CSMD1: variants seen among roughly 807,000 people sequenced by gnomAD.
The protein encoded by CSMD1 is CUB and Sushi multiple domains 1.
A neutral mutation model predicts 417.5 loss-of-function variants in CSMD1; 213 were observed. The ratio of observed to expected loss-of-function variants is 0.51; its 90% CI spans 0.46 to 0.57. The LOEUF is 0.57. Ranked by LOEUF, CSMD1 falls within the 20% of genes least tolerant of loss-of-function variation. CSMD1 has a pLI of 0.00. For missense variants in CSMD1, 6,923 were observed against 4,529.7 expected, an observed-to-expected ratio of 1.53 and a Z score of -15.17; for synonymous variants, 2,862 against 1,736.8, an observed-to-expected ratio of 1.65 and a Z score of -16.11.
At chr8:3,342,423 T>C (rs919679587) in intron 23 of CSMD1, among the ~76,000 whole-genome samples, 2 of 152,220 alleles carry the variant, frequency 1.3e-5, no homozygotes, top group Admixed American at 6.5e-5. Context: ...CAGTATGATA[T>C]AGTTTTTACA....
chr8:3,103,891 G>C (rs138522575), intron 46 of CSMD1, among the ~76,000 whole-genome samples: 1 of 151,834 alleles, frequency 6.6e-6, no homozygotes, highest in East Asian at 1.9e-4. Context: ...TTACAGGCAC[G>C]TGCCACCACA....
At position 2,970,062 on chromosome 8, in the gene CSMD1, T is replaced by C. The variant is rs191442830; in HGVS notation, c.8923+3055A>G. Among the ~76,000 whole-genome samples, 6 of 152,326 alleles carry C rather than the reference T, an allele frequency of 3.9e-5. No individual in the cohort carries two copies. The South Asian group carries it at 8.3e-4, about 21-fold the overall frequency. On this transcript the variant is annotated intron_variant, in intron 57 of 69. Transcript: ENST00000635120. ...TCTAATTTTTTTTCATAGAAAACTT[T>C]TAAATGTCTAACTTTAGAAAGCAAA...
intron 12 of CSMD1, among the ~76,000 whole-genome samples, chr8:3,448,284 C>T (rs1388977344): frequency 2.5e-5 from 1 of 39,664 alleles, no homozygotes; most frequent in Non-Finnish European, 5.4e-5. Flanking sequence ...GAGGGACACA[C>T]ATCTTTCTGA....
chr8:3,692,820 G>T (rs963815383), intron 7 of CSMD1, among the ~76,000 whole-genome samples: 1 of 152,052 alleles, frequency 6.6e-6, no homozygotes, highest in Non-Finnish European at 1.5e-5. Flanking sequence ...AATATGCATG[G>T]CAAAAATATT....
intron 3 of CSMD1, among the ~76,000 whole-genome samples, chr8:4,265,631 CAA>C (rs1383832766): frequency 9.5e-6 from 1 of 104,892 alleles, no homozygotes; most frequent in East Asian, 2.5e-4. Flanking sequence ...AGATTAAAAA[CAA>C]ATATATTAGG....
intron 11 of CSMD1, among the ~76,000 whole-genome samples, chr8:3,488,304 C>T (rs1818174970): frequency 6.6e-6 from 1 of 151,974 alleles, no homozygotes; most frequent in African/African-American, 2.4e-5. Flanking sequence ...GACGGAGTTT[C>T]ATCCTGTTGC....
intron 3 of CSMD1, among the ~76,000 whole-genome samples, chr8:4,181,509 C>G (rs957217062): frequency 6.6e-6 from 1 of 151,974 alleles, no homozygotes; most frequent in Admixed American, 6.6e-5. Flanking sequence ...AAAAAAATCA[C>G]CAGAAAACCT....
Position 3,398,553 on chromosome 8 carries a change from T to A in CSMD1, c.2405+838A>T, listed in dbSNP as rs1022374941. Reference sequence around the variant, plus strand: ...AAAGATAATAATACAATGAAGTTCATCTATCTTGAGACACCATAATATTCC... The same window carrying A: ...AAAGATAATAATACAATGAAGTTCAACTATCTTGAGACACCATAATATTCC... On this transcript the variant is annotated intron_variant, in intron 16 of 69. Transcript: ENST00000635120. Among the ~76,000 whole-genome samples the A allele has an allele frequency of 3.0e-4, 46 of 152,312 alleles. 1 individual carries two copies. The highest frequency in any genetic ancestry group is 1.9e-4 in the East Asian group (1 of 5,178).
chr8:4,925,893 G>C (rs1467221654), intron 1 of CSMD1, among the ~76,000 whole-genome samples: 1 of 152,078 alleles, frequency 6.6e-6, no homozygotes, highest in East Asian at 1.9e-4. Flanking sequence ...GTCATGCTCA[G>C]TATGCAAAAC....
At chr8:3,117,905 T>C (rs533201881) in intron 42 of CSMD1, among the ~76,000 whole-genome samples, 40 of 152,328 alleles carry the variant, frequency 2.6e-4, no homozygotes, top group Non-Finnish European at 5.1e-4. Flanking sequence ...AGTAGCAAAA[T>C]GCTATGTACC....
At chr8:3,245,739 T>C (rs1179965319) in intron 26 of CSMD1, among the ~76,000 whole-genome samples, 2 of 152,186 alleles carry the variant, frequency 1.3e-5, no homozygotes, top group Non-Finnish European at 2.9e-5. Context: ...CACCCCAATT[T>C]CTGGGTGGAT....
intron 12 of CSMD1, among the ~76,000 whole-genome samples, chr8:3,464,707 T>G (rs537472122): frequency 6.6e-6 from 1 of 151,988 alleles, no homozygotes; most frequent in Admixed American, 6.6e-5. Context: ...ACTAGTCATA[T>G]AGAGTTTGCT....
At chr8:3,233,653 T>C (rs1280335855) in intron 26 of CSMD1, among the ~76,000 whole-genome samples, 2 of 152,214 alleles carry the variant, frequency 1.3e-5, no homozygotes, top group Non-Finnish European at 2.9e-5. Flanking sequence ...CATATTTTTA[T>C]TCTCTTTTTT....
In CSMD1 at chr8:2,937,620, G is replaced by T. The variant is rs1441233572; in HGVS notation, c.*965C>A. On this transcript the variant is annotated 3_prime_UTR_variant, in exon 70 of 70. Coordinates refer to ENST00000635120, the MANE Select transcript of CSMD1 (RefSeq NM_033225.6). ...GAGAGACAGTAATTGGATGAGGATG[G>T]TACTAAAGGAGGAAAACGTGTGAAA... is the stretch of plus-strand genomic sequence containing the variant. 6.6e-6 allele frequency: 1 copy of T among 152,168 alleles called. No homozygotes were observed. Among genetic ancestry groups the T allele is most frequent in the Non-Finnish European group, 1.5e-5 (1 of 68,034 alleles). 9.4% of individuals were successfully genotyped at this position (152,168 alleles called of 1,614,324 possible). A position where few individuals can be genotyped will look rare whatever the true frequency, so the allele number is the denominator to read the frequency against.
At chr8:4,748,559 G>C (rs1299433640) in intron 1 of CSMD1, among the ~76,000 whole-genome samples, 1 of 152,140 alleles carries the variant, frequency 6.6e-6, no homozygotes, top group African/African-American at 2.4e-5. Flanking sequence ...ACAGACATCA[G>C]GATTATTGGG....
At chr8:3,245,260 G>A (rs1240129383) in intron 26 of CSMD1, among the ~76,000 whole-genome samples, 2 of 152,088 alleles carry the variant, frequency 1.3e-5, no homozygotes, top group Non-Finnish European at 2.9e-5. Flanking sequence ...TCATTCCAGG[G>A]CACATCCTGC....
chr8:3,088,096 C>T (rs1814673591), intron 48 of CSMD1, among the ~76,000 whole-genome samples: 1 of 152,186 alleles, frequency 6.6e-6, no homozygotes, highest in Non-Finnish European at 1.5e-5. Context: ...CAATTACAAT[C>T]TCACAATAGC....
chr8:4,234,354 C>G (rs540551812), intron 3 of CSMD1, among the ~76,000 whole-genome samples: 1 of 152,246 alleles, frequency 6.6e-6, no homozygotes, highest in African/African-American at 2.4e-5. Flanking sequence ...CTGAAGCAGC[C>G]TCTCTGCAGG....
intron 1 of CSMD1, among the ~76,000 whole-genome samples, chr8:4,982,777 C>G (rs556159239): frequency 2.0e-5 from 3 of 152,164 alleles, no homozygotes; most frequent in Non-Finnish European, 2.9e-5. Flanking sequence ...CTTGGCTATA[C>G]TTTTTATACT....
Sources: gnomAD v4.1 joint callset for allele counts (sites outside exome capture counted in the v4.1 genomes callset) on GRCh38, gnomAD v4.1.1 for gene constraint, MANE v1.5 for transcripts, NCBI Gene and HGNC (gene_info 2026-07-23, HGNC 2026-07-21) for gene names.